Variants in DIAPH3 observed in about 807,000 individuals in gnomAD.
DIAPH3 encodes the protein protein diaphanous homolog 3.
DIAPH3 carries 117 observed loss-of-function variants against 144.3 expected under a neutral mutation model. The observed-to-expected ratio is 0.81, with a 90% CI of 0.70 to 0.95. The LOEUF (loss-of-function observed/expected upper bound fraction) is 0.95. DIAPH3 is among the 40% of genes least tolerant of loss of function. The pLI is 0.00. For missense variants in DIAPH3, 1,421 were observed against 1,412.7 expected, an observed-to-expected ratio of 1.01 and a Z score of -0.09; for synonymous variants, 519 against 488.9, an observed-to-expected ratio of 1.06 and a Z score of -0.81.
At chr13:59,925,530 C>T (rs2047712417) in intron 17 of DIAPH3, among the ~76,000 whole-genome samples, 1 of 151,966 alleles carries the variant, frequency 6.6e-6, no homozygotes, top group Admixed American at 6.6e-5. Flanking sequence ...ATGTTGGGTC[C>T]TCGTCTTGTC....
intron 27 of DIAPH3, among the ~76,000 whole-genome samples, chr13:59,726,301 A>G (rs888049206): frequency 2.0e-5 from 3 of 152,178 alleles, no homozygotes; most frequent in Non-Finnish European, 4.4e-5. Context: ...ATTCTCTGGA[A>G]TGCACATACA....
intron 9 of DIAPH3, among the ~76,000 whole-genome samples, chr13:59,994,455 A>G (rs1185618421): frequency 6.6e-6 from 1 of 151,948 alleles, no homozygotes; most frequent in Non-Finnish European, 1.5e-5. Context: ...TGCCATATCA[A>G]TCAACGCCTA....
At chr13:59,982,060 C>T (rs2051052777) in intron 13 of DIAPH3, among the ~76,000 whole-genome samples, 1 of 151,368 alleles carries the variant, frequency 6.6e-6, no homozygotes, top group Admixed American at 6.6e-5. Flanking sequence ...CTTTCCAATA[C>T]CTTTTCTCCC....
intron 14 of DIAPH3, among the ~76,000 whole-genome samples, chr13:59,975,456 T>C (rs1489095789): frequency 6.6e-6 from 1 of 152,012 alleles, no homozygotes; most frequent in African/African-American, 2.4e-5. Context: ...CTTCAGAGTC[T>C]AAGTTCAAAT....
intron 9 of DIAPH3, among the ~76,000 whole-genome samples, chr13:60,004,771 ATAAT>A (rs2052752534): frequency 6.6e-6 from 1 of 152,204 alleles, no homozygotes; most frequent in Admixed American, 6.5e-5. Context: ...AGGATATCAA[ATAAT>A]TAACACTACT....
chr13:59,987,086 CAAT>C (rs2051440866), intron 12 of DIAPH3, among the ~76,000 whole-genome samples: 1 of 151,886 alleles, frequency 6.6e-6, no homozygotes, highest in Non-Finnish European at 1.5e-5. Flanking sequence ...AAATGTCCAA[CAAT>C]GATAGACTGG....
chr13:59,815,662 T>C (rs185469728), intron 24 of DIAPH3, among the ~76,000 whole-genome samples: 1 of 152,202 alleles, frequency 6.6e-6, no homozygotes, highest in Non-Finnish European at 1.5e-5. Flanking sequence ...GATAATATTG[T>C]CTAAGCTGGT....
At chr13:59,809,894 G>A (rs2040386098) in intron 25 of DIAPH3, among the ~76,000 whole-genome samples, 1 of 152,082 alleles carries the variant, frequency 6.6e-6, no homozygotes, top group South Asian at 2.1e-4. Context: ...TGAAGCGGAT[G>A]GATTTTAATT....
At position 59,966,121 on chromosome 13, in the gene DIAPH3, GA is replaced by G. The variant is rs370976105; in HGVS notation, c.2074+3822del. Among the ~76,000 whole-genome samples, 712 of 152,142 alleles carry G rather than the reference GA, an allele frequency of 4.7e-3. 3 individuals carry two copies. Among genetic ancestry groups the G allele is most frequent in the South Asian group, 0.026 (124 of 4,824 alleles). On this transcript the variant is annotated intron_variant, in intron 17 of 27. Transcript: ENST00000400324. ...AAAGAAAATGATGTAAGTGAATCAGGAAAAAATTACTGATTTTTCACAGGAA... is the reference window on the plus strand; with the variant it reads ...AAAGAAAATGATGTAAGTGAATCAGGAAAAATTACTGATTTTTCACAGGAA...
At chr13:59,783,612 T>C (rs1329197058) in intron 25 of DIAPH3, among the ~76,000 whole-genome samples, 2 of 152,216 alleles carry the variant, frequency 1.3e-5, no homozygotes, top group African/African-American at 2.4e-5. Flanking sequence ...AATTCATCCA[T>C]TTAGATTCAA....
At chr13:59,790,874 G>A (rs569944274) in intron 25 of DIAPH3, among the ~76,000 whole-genome samples, 11 of 152,126 alleles carry the variant, frequency 7.2e-5, no homozygotes, top group East Asian at 1.9e-4. Flanking sequence ...CCCTCCCCCC[G>A]CTCCACAACT....
chr13:59,946,424 A>T (rs2048798741), intron 17 of DIAPH3, among the ~76,000 whole-genome samples: 1 of 152,186 alleles, frequency 6.6e-6, no homozygotes, highest in Non-Finnish European at 1.5e-5. Flanking sequence ...ACCTGATACC[A>T]TTCTTTACAT....
At chr13:59,939,131 C>A (rs949155819) in intron 17 of DIAPH3, among the ~76,000 whole-genome samples, 6 of 152,162 alleles carry the variant, frequency 3.9e-5, no homozygotes, top group African/African-American at 1.4e-4. Context: ...TAAAATTAAT[C>A]AGACCAAACT....
chr13:59,775,041 TAA>T (rs1469390036), intron 25 of DIAPH3, among the ~76,000 whole-genome samples: 2 of 152,192 alleles, frequency 1.3e-5, no homozygotes, highest in Non-Finnish European at 2.9e-5. Flanking sequence ...TACTGTGCAC[TAA>T]AGGGACCGAG....
At chr13:59,940,972 A>G (rs972038102) in intron 17 of DIAPH3, among the ~76,000 whole-genome samples, 6 of 152,340 alleles carry the variant, frequency 3.9e-5, no homozygotes, top group Admixed American at 2.0e-4. Flanking sequence ...CTGGAGATTA[A>G]TATTTTTCTT....
At chr13:59,963,281 A>G (rs750736001) in intron 17 of DIAPH3, among the ~76,000 whole-genome samples, 3 of 152,202 alleles carry the variant, frequency 2.0e-5, no homozygotes, top group Non-Finnish European at 4.4e-5. Flanking sequence ...AGAACAGCTT[A>G]TCTAAACACA....
intron 25 of DIAPH3, among the ~76,000 whole-genome samples, chr13:59,784,321 T>C (rs2038912828): frequency 6.6e-6 from 1 of 152,078 alleles, no homozygotes; most frequent in Non-Finnish European, 1.5e-5. Context: ...GACCTCGTGA[T>C]CCACCCGCTT....
chr13:59,880,574 A>G (rs1456445100), intron 20 of DIAPH3, among the ~76,000 whole-genome samples: 2 of 152,180 alleles, frequency 1.3e-5, no homozygotes, highest in African/African-American at 4.8e-5. Flanking sequence ...AGCTCATAAT[A>G]TAATAATGAC....
intron 3 of DIAPH3, among the ~76,000 whole-genome samples, chr13:60,096,571 G>A (rs756377955): frequency 6.6e-6 from 1 of 152,164 alleles, no homozygotes; most frequent in Non-Finnish European, 1.5e-5. Context: ...AGAAGAGATT[G>A]GCACTTGAAT....
Sources: allele counts gnomAD v4.1 joint callset (sites outside exome capture counted in the v4.1 genomes callset), GRCh38; gene constraint gnomAD v4.1.1; transcripts MANE v1.5; gene names NCBI Gene and HGNC (gene_info 2026-07-23, HGNC 2026-07-21).